The following DLGAP1 variants were observed in gnomAD, a reference collection of about 807,000 sequenced individuals.
DLGAP1 encodes the protein disks large-associated protein 1.
In DLGAP1, 11 loss-of-function variants were observed where a neutral mutation model predicts 90.8. The observed-to-expected ratio is 0.12, with a 90% confidence interval of 0.08 to 0.20. The LOEUF (loss-of-function observed/expected upper bound fraction) is 0.20. DLGAP1 is among the 10% of genes least tolerant of loss of function. DLGAP1 has a pLI of 1.00. For synonymous variants in DLGAP1, 558 were observed against 540.7 expected (o/e 1.03, Z -0.44); for missense variants, 1,050 against 1,333.8 (o/e 0.79, Z 3.31).
intron 12 of DLGAP1, among the ~76,000 whole-genome samples, chr18:3,501,298 T>C (rs1047765519): frequency 6.6e-6 from 1 of 152,104 alleles, no homozygotes; most frequent in Non-Finnish European, 1.5e-5. Flanking sequence ...TGTGCATTTG[T>C]AGTGTTTTCT....
At chr18:4,165,166 A>C (rs2076912351) in intron 1 of DLGAP1, among the ~76,000 whole-genome samples, 1 of 152,174 alleles carries the variant, frequency 6.6e-6, no homozygotes, top group African/African-American at 2.4e-5. Flanking sequence ...AAACCCCAAA[A>C]AGTGTAGACT....
At chr18:4,208,457 T>G (rs1379268795) in intron 1 of DLGAP1, among the ~76,000 whole-genome samples, 1 of 152,200 alleles carries the variant, frequency 6.6e-6, no homozygotes, top group Non-Finnish European at 1.5e-5. Context: ...ATGACTTGAC[T>G]AATTTAATGC....
At chr18:4,057,964 C>T (rs4547429) in intron 2 of DLGAP1, among the ~76,000 whole-genome samples, 6,046 of 152,262 alleles carry the variant, frequency 0.04, 147 homozygotes, top group Non-Finnish European at 0.055. Flanking sequence ...GCTGATCTCT[C>T]GGTTCACTCT....
chr18:4,324,921 C>T (rs1001529854), intron 1 of DLGAP1, among the ~76,000 whole-genome samples: 1 of 152,140 alleles, frequency 6.6e-6, no homozygotes, highest in Admixed American at 6.6e-5. Flanking sequence ...ACTGAATGGG[C>T]AAAAGCTGGA....
chr18:4,253,455 G>C (rs1649584987), intron 1 of DLGAP1, among the ~76,000 whole-genome samples: 4 of 152,126 alleles, frequency 2.6e-5, no homozygotes, highest in Admixed American at 2.6e-4. Flanking sequence ...CTGTCACCCA[G>C]GCTGGAGTGC....
intron 3 of DLGAP1, among the ~76,000 whole-genome samples, chr18:3,955,113 G>C (rs1390952779): frequency 6.6e-6 from 1 of 152,126 alleles, no homozygotes; most frequent in Non-Finnish European, 1.5e-5. Flanking sequence ...ACAGTGCTTG[G>C]TGTCCTTGCA....
chr18:3,661,091 T>C (rs1036501655), intron 7 of DLGAP1, among the ~76,000 whole-genome samples: 15 of 152,308 alleles, frequency 9.8e-5, no homozygotes, highest in African/African-American at 3.6e-4. Flanking sequence ...TTAGATGAAG[T>C]TTCACTATGT....
chr18:4,021,345 C>G (rs1159258052), intron 2 of DLGAP1, among the ~76,000 whole-genome samples: 2 of 152,126 alleles, frequency 1.3e-5, no homozygotes, highest in Non-Finnish European at 2.9e-5. Context: ...TGAGTGATTT[C>G]TTGTGAGATC....
chr18:4,327,379 G>T (rs906844454), intron 1 of DLGAP1, among the ~76,000 whole-genome samples: 2 of 151,858 alleles, frequency 1.3e-5, no homozygotes, highest in South Asian at 2.1e-4. Flanking sequence ...AAATTTAAAA[G>T]AAGTGATTAT....
chr18:3,772,162 T>C (rs1253703321), intron 5 of DLGAP1, among the ~76,000 whole-genome samples: 2 of 125,732 alleles, frequency 1.6e-5, no homozygotes, highest in African/African-American at 7.1e-5. Flanking sequence ...TTCCCTTTCT[T>C]TCTCTCCTTC....
intron 1 of DLGAP1, among the ~76,000 whole-genome samples, chr18:4,395,207 T>C (rs1487167112): frequency 1.3e-5 from 2 of 152,240 alleles, no homozygotes; most frequent in African/African-American, 4.8e-5. Context: ...TTTTCCCCTA[T>C]TGACATACAA....
intron 5 of DLGAP1, among the ~76,000 whole-genome samples, chr18:3,767,156 T>C (rs966575192): frequency 2.6e-5 from 4 of 152,122 alleles, no homozygotes; most frequent in Non-Finnish European, 5.9e-5. Flanking sequence ...GCAATATAGA[T>C]GGAAGGAACC....
chr18:4,225,990 T>C (rs2078178948), intron 1 of DLGAP1, among the ~76,000 whole-genome samples: 1 of 152,070 alleles, frequency 6.6e-6, no homozygotes, highest in Non-Finnish European at 1.5e-5. Context: ...CTACAAAATA[T>C]TTAATAATAA....
intron 3 of DLGAP1, among the ~76,000 whole-genome samples, chr18:3,916,838 A>G (rs112091600): frequency 0.025 from 3,880 of 152,260 alleles, 69 homozygotes; most frequent in African/African-American, 0.033. Context: ...GGTAGGAAGA[A>G]ACAGCATAGA....
chr18:4,152,199 T>A lies in DLGAP1; in HGVS notation c.-266-912A>T, dbSNP rs368300498. 2.2e-4 allele frequency among the ~76,000 whole-genome samples: 33 copies of A among 152,350 alleles called. 2 individuals are homozygous for A. The highest frequency in any genetic ancestry group is 4.6e-4 in the Admixed American group (7 of 15,310). ...ATACCTGTAAAGGTCTGTTTCTATT[T>A]TTTTGTAAGCAATGTATTCTTTTGG... is the stretch of plus-strand genomic sequence containing the variant. On this transcript the variant is annotated intron_variant, in intron 1 of 12. Transcript: ENST00000315677.
intron 2 of DLGAP1, among the ~76,000 whole-genome samples, chr18:4,101,919 T>A (rs1282051305): frequency 1.3e-5 from 2 of 151,972 alleles, no homozygotes; most frequent in Non-Finnish European, 2.9e-5. Context: ...ATAATGCATA[T>A]ATGTATGCAT....
intron 1 of DLGAP1, among the ~76,000 whole-genome samples, chr18:4,245,344 T>G (rs777092038): frequency 3.9e-5 from 6 of 152,232 alleles, no homozygotes; most frequent in Non-Finnish European, 5.9e-5. Flanking sequence ...TAAGTTACAA[T>G]TGTGACATAA....
chr18:3,860,638 A>C (rs2069991447), intron 4 of DLGAP1, among the ~76,000 whole-genome samples: 1 of 152,148 alleles, frequency 6.6e-6, no homozygotes, highest in Non-Finnish European at 1.5e-5. Context: ...TTTACCATCT[A>C]TGTTGACTGT....
intron 2 of DLGAP1, among the ~76,000 whole-genome samples, chr18:4,130,709 G>A (rs1598451345): frequency 6.6e-6 from 1 of 152,188 alleles, no homozygotes; most frequent in South Asian, 2.1e-4. Context: ...CAAGAGAGCG[G>A]CACATTGCGA....
Sources: gnomAD v4.1 joint callset for allele counts (sites outside exome capture counted in the v4.1 genomes callset) on GRCh38, gnomAD v4.1.1 for gene constraint, MANE v1.5 for transcripts, NCBI Gene and HGNC (gene_info 2026-07-23, HGNC 2026-07-21) for gene names.